The following RNFT2 variants were observed in gnomAD, a reference collection of about 807,000 sequenced individuals.
RNFT2 encodes the protein E3 ubiquitin-protein ligase RNFT2.
RNFT2 carries 36 observed loss-of-function variants against 53.0 expected under a neutral mutation model. The ratio of observed to expected loss-of-function variants is 0.68; its 90% confidence interval spans 0.52 to 0.90. The LOEUF is 0.90. RNFT2 is among the 40% of genes least tolerant of loss of function. The probability of loss-of-function intolerance (pLI) is 0.00; values close to 1 mark genes in which losing one functional copy is unlikely to be tolerated. For synonymous variants in RNFT2, 260 were observed against 253.2 expected (o/e 1.03, Z -0.26); for missense variants, 514 against 585.6 (o/e 0.88, Z 1.26).
In RNFT2 at chr12:116,749,940, G is replaced by A. The variant is rs575954191; in HGVS notation, c.183G>A (p.Ser61=). The change falls in exon 4 of 11, where the codon TCG becomes TCA. Residue 61 remains serine (S), a synonymous_variant. Transcript: ENST00000257575. ...CAGCCTCCCCACCAGCGCTCTTCTC[G>A]GGCTTATCAGGCAGCCTCCCCACCA... is the stretch of plus-strand genomic sequence containing the variant. ...AEAASPPALF[S]GLSGSLPTSS... 1.8e-5 allele frequency: 29 copies of A among 1,573,130 alleles called. No individual in the cohort carries two copies. Among genetic ancestry groups the A allele is most frequent in the East Asian group, 7.1e-5 (3 of 42,514 alleles).
chr12:116,852,627 C>T lies in RNFT2; in HGVS notation c.*3179C>T, dbSNP rs762043905. 27 of 1,613,746 alleles carry T rather than the reference C, an allele frequency of 1.7e-5. No homozygotes were observed. Among genetic ancestry groups the T allele is most frequent in the South Asian group, 5.5e-5 (5 of 91,072 alleles). On this transcript the variant is annotated 3_prime_UTR_variant, in exon 11 of 11. Transcript: ENST00000257575. ...AGGAACTTCTGCAACTGGTTTTTAT[C>T]GGAAAGATCATCCTGCCTGCAGATG... is the stretch of plus-strand genomic sequence containing the variant.
intron 6 of RNFT2, among the ~76,000 whole-genome samples, chr12:116,771,610 T>C (rs1873198290): frequency 6.6e-6 from 1 of 151,792 alleles, no homozygotes; most frequent in Admixed American, 6.6e-5. Context: ...TAATGTTAAG[T>C]GATAAAAATG....
chr12:116,827,251 G>GAGAGAGAGAGAGA (rs1876392008), intron 7 of RNFT2, among the ~76,000 whole-genome samples: 3 of 151,150 alleles, frequency 2.0e-5, no homozygotes, highest in African/African-American at 7.3e-5. Flanking sequence ...AAGAAAGAAA[G>GAGAGAGAGAGAGA]GAGTGATTTA....
rs1167600476 is a variant in RNFT2 at position 116,738,386 on chromosome 12, G to T, written c.-154+16G>T. The T allele has an allele frequency of 1.2e-5, 1 of 84,854 alleles. No individual in the cohort carries two copies. The highest frequency in any genetic ancestry group is 3.1e-5 in the Non-Finnish European group (1 of 32,580). The allele number at this position is 84,854 out of a possible 1,614,324, so 5.3% of individuals were successfully genotyped here. A position where few individuals can be genotyped will look rare whatever the true frequency, so the allele number is the denominator to read the frequency against. ...GTCTGGGCAGGTAAAAAGAGAACGC[G>T]ATTTTTTTTTCTTTTCTCCCATCAT... On this transcript the variant is annotated intron_variant, in intron 1 of 10. Coordinates refer to ENST00000257575, the MANE Select transcript of RNFT2 (RefSeq NM_001382266.1).
intron 7 of RNFT2, among the ~76,000 whole-genome samples, chr12:116,780,434 A>G (rs755376898): frequency 2.6e-5 from 4 of 152,122 alleles, no homozygotes; most frequent in African/African-American, 9.7e-5. Flanking sequence ...AGGAGAATCT[A>G]CTGCCGCAGC....
chr12:116,767,643 G>A (rs953845007), intron 6 of RNFT2, among the ~76,000 whole-genome samples: 33 of 151,858 alleles, frequency 2.2e-4, no homozygotes, highest in African/African-American at 7.7e-4. Flanking sequence ...GCAGTGGCAC[G>A]ATCTCAGCTC....
intron 3 of RNFT2, among the ~76,000 whole-genome samples, chr12:116,742,341 C>T (rs1297613781): frequency 6.7e-6 from 1 of 149,852 alleles, no homozygotes; most frequent in Non-Finnish European, 1.5e-5. Context: ...GATCTCGGCT[C>T]ACTGCAGCCT....
chr12:116,824,243 T>A (rs1876204884), intron 7 of RNFT2, among the ~76,000 whole-genome samples: 1 of 152,162 alleles, frequency 6.6e-6, no homozygotes, highest in African/African-American at 2.4e-5. Flanking sequence ...TAGAGCTCTC[T>A]ATGAGCCATG....
chr12:116,767,211 GT>G (rs1872956847), intron 6 of RNFT2, among the ~76,000 whole-genome samples: 1 of 151,980 alleles, frequency 6.6e-6, no homozygotes, highest in Admixed American at 6.6e-5. Context: ...TTTGTTTTTT[GT>G]TTTGTCTGTT....
intron 7 of RNFT2, among the ~76,000 whole-genome samples, chr12:116,819,374 G>C (rs1565869608): frequency 6.6e-6 from 1 of 152,136 alleles, no homozygotes; most frequent in African/African-American, 2.4e-5. Flanking sequence ...GCCAGACCCG[G>C]AGCCGGCGGC....
chr12:116,738,355 T>G lies in RNFT2; in HGVS notation c.-169T>G, dbSNP rs1471913261. On this transcript the variant is annotated 5_prime_UTR_variant, in exon 1 of 11. Transcript: ENST00000257575. Reference sequence around the variant, plus strand: ...ACCTGAATGATGCGGCTGTGATTGCTGAATTGTCTGGGCAGGTAAAAAGAG... The same window carrying G: ...ACCTGAATGATGCGGCTGTGATTGCGGAATTGTCTGGGCAGGTAAAAAGAG... The G allele has an allele frequency of 6.6e-6, 1 of 152,018 alleles. No individual in the cohort carries two copies. Among genetic ancestry groups the G allele is most frequent in the African/African-American group, 2.4e-5 (1 of 41,376 alleles). The allele number at this position is 152,018 out of a possible 1,614,324, so 9.4% of individuals were successfully genotyped here.
intron 3 of RNFT2, 107 bp from the exon 4 acceptor site, chr12:116,749,734 C>G: frequency 1.0e-6 from 1 of 996,068 alleles, no homozygotes; most frequent in Non-Finnish European, 1.5e-6. Context: ...GAGGGGGACA[C>G]AGCTCAACCC....
rs79325423 is a variant in RNFT2 at position 116,796,687 on chromosome 12, C to T, written c.882+17339C>T. Among the ~76,000 whole-genome samples the T allele has an allele frequency of 0.013, 1,938 of 152,308 alleles. 95 individuals carry two copies. The East Asian group carries it at 0.13, about 10-fold the overall frequency. On this transcript the variant is annotated intron_variant, in intron 7 of 10. Transcript: ENST00000257575. ...GGTTTCCCATTGTTGGAGGCATCTT[C>T]GCTCCTGGAGGTCATACCTTCCCCT... is the stretch of plus-strand genomic sequence containing the variant.
At chr12:116,782,581 C>T (rs1043429088) in intron 7 of RNFT2, among the ~76,000 whole-genome samples, 2 of 152,014 alleles carry the variant, frequency 1.3e-5, no homozygotes, top group Non-Finnish European at 2.9e-5. Context: ...TTCTAAAAGA[C>T]GTGGACATTT....
chr12:116,741,759 C>T (rs1351417714), intron 3 of RNFT2, among the ~76,000 whole-genome samples: 1 of 152,178 alleles, frequency 6.6e-6, no homozygotes, highest in Admixed American at 6.5e-5. Flanking sequence ...AGCAATCCTC[C>T]TGCCTCAGCC....
At chr12:116,808,594 G>A (rs1240861226) in intron 7 of RNFT2, among the ~76,000 whole-genome samples, 2 of 152,018 alleles carry the variant, frequency 1.3e-5, no homozygotes, top group Non-Finnish European at 2.9e-5. Context: ...ATGTAGTCCC[G>A]CCTGGCTCCA....
chr12:116,817,303 G>A (rs993718959), intron 7 of RNFT2, among the ~76,000 whole-genome samples: 3 of 152,170 alleles, frequency 2.0e-5, no homozygotes, highest in African/African-American at 7.2e-5. Context: ...GTGAGCCACT[G>A]CACCTGGCCT....
intron 3 of RNFT2, chr12:116,748,586 G>C (rs1872022949): frequency 2.4e-6 from 1 of 413,988 alleles, no homozygotes; most frequent in African/African-American, 2.1e-5. Flanking sequence ...CCTAGAACAG[G>C]TGGAGCTGGA....
chr12:116,804,033 C>A (rs2137155325), intron 7 of RNFT2, among the ~76,000 whole-genome samples: 1 of 152,318 alleles, frequency 6.6e-6, no homozygotes. Flanking sequence ...AGTATCTCTG[C>A]CACATCCTTT....
Sources: allele counts gnomAD v4.1 joint callset (sites outside exome capture counted in the v4.1 genomes callset), GRCh38; gene constraint gnomAD v4.1.1; transcripts MANE v1.5; gene names NCBI Gene and HGNC (gene_info 2026-07-23, HGNC 2026-07-21).